The following CPAMD8 variants were observed in gnomAD, a reference collection of about 807,000 sequenced individuals.
CPAMD8 encodes C3 and PZP like alpha-2-macroglobulin domain containing 8, also known as C3 and PZP-like alpha-2-macroglobulin domain-containing protein 8.
Under a neutral mutation model 224.7 loss-of-function variants are expected in CPAMD8, and 146 were observed. The observed-to-expected ratio is 0.65, with a 90% confidence interval of 0.57 to 0.75. The LOEUF (loss-of-function observed/expected upper bound fraction) is 0.75, where lower values mean the gene tolerates loss of function less well. Ranked by LOEUF, CPAMD8 falls within the 30% of genes least tolerant of loss-of-function variation. CPAMD8 has a pLI of 0.00. For synonymous variants in CPAMD8, 966 were observed against 1,044.6 expected, an observed-to-expected ratio of 0.92 and a Z score of 1.45; for missense variants, 2,301 against 2,537.5, an observed-to-expected ratio of 0.91 and a Z score of 2.00.
Position 17,026,603 on chromosome 19 carries a change from G to C in CPAMD8, c.40C>G (p.Leu14Val). 1 of 1,520,042 alleles carries C rather than the reference G, an allele frequency of 6.6e-7. No individual in the cohort carries two copies. The highest frequency in any genetic ancestry group is 8.8e-7 in the Non-Finnish European group (1 of 1,142,272). The allele number at this position is 1,520,042 out of a possible 1,614,324, so 94.2% of individuals were successfully genotyped here. A position where few individuals can be genotyped will look rare whatever the true frequency, so the allele number is the denominator to read the frequency against. ...ALLWPLLPLL[L>V]LLLSARDGVR... is the part of the protein sequence containing the mutation. ...CCGTCCCGCGCCGACAGCAGCAGGA[G>C]CAGGAGCGGGAGCAACGGCCAGAGC... is the stretch of plus-strand genomic sequence containing the variant. The change falls in exon 1 of 42, where the codon CTC becomes GTC. Residue 14 changes from leucine (L) to valine (V), a missense_variant. Physicochemically the swap from Leu to Val is conservative, Grantham distance 32. Coordinates refer to ENST00000443236, the MANE Select transcript of CPAMD8 (RefSeq NM_015692.5).
At chr19:16,913,127 G>A (rs972427114) in intron 29 of CPAMD8, among the ~76,000 whole-genome samples, 7 of 152,144 alleles carry the variant, frequency 4.6e-5, no homozygotes, top group African/African-American at 1.2e-4. Flanking sequence ...ATTCCAACTC[G>A]AGTGGGGGCC....
At chr19:16,920,889 C>A (rs1024052938) in intron 27 of CPAMD8, among the ~76,000 whole-genome samples, 3 of 149,890 alleles carry the variant, frequency 2.0e-5, no homozygotes, top group African/African-American at 7.4e-5. Flanking sequence ...AGGTCCAATG[C>A]GTCACAACTT....
chr19:16,953,558 AG>A (rs2054365555), intron 19 of CPAMD8, among the ~76,000 whole-genome samples: 1 of 150,842 alleles, frequency 6.6e-6, no homozygotes, highest in East Asian at 2.0e-4. Flanking sequence ...AAATTTAGCC[AG>A]GAGTGGTGGT....
At chr19:16,931,920 A>G (rs2053556935) in intron 23 of CPAMD8, among the ~76,000 whole-genome samples, 1 of 152,220 alleles carries the variant, frequency 6.6e-6, no homozygotes, top group South Asian at 2.1e-4. Flanking sequence ...CACCACAGAT[A>G]GATCTTCAGG....
In CPAMD8 at chr19:16,947,220, A is replaced by G. The variant is rs2054134226; in HGVS notation, c.2516T>C (p.Met839Thr). ...NYMGTCAEVY[M>T]KLSVPKGIQF... ...GATGCCCTTGGGAACCGAGAGCTTC[A>G]TGTACACCTGCAGAGGGTGGCATTG... The change falls in exon 21 of 42, where the codon ATG becomes ACG. Residue 839 changes from methionine to threonine, a missense_variant. By Grantham distance (81) the Met-to-Thr change is moderately conservative (BLOSUM62 -1). Around this residue, in one of 4 missense-constraint regions of CPAMD8, gnomAD observed 1,709 missense variants for 1,753.2 expected, o/e 0.97. Coordinates refer to ENST00000443236, the MANE Select transcript of CPAMD8 (RefSeq NM_015692.5). 1 of 1,611,762 alleles carries G rather than the reference A, an allele frequency of 6.2e-7. No individual in the cohort carries two copies. The highest frequency in any genetic ancestry group is 1.7e-5 in the Admixed American group (1 of 59,794).
chr19:16,972,131 C>A (rs1393638491), intron 17 of CPAMD8, among the ~76,000 whole-genome samples: 1 of 152,076 alleles, frequency 6.6e-6, no homozygotes, highest in East Asian at 1.9e-4. Context: ...TGACCCCAAC[C>A]AAGGACCAAC....
intron 29 of CPAMD8, among the ~76,000 whole-genome samples, chr19:16,908,662 C>T (rs1452385976): frequency 6.6e-6 from 1 of 152,240 alleles, no homozygotes; most frequent in African/African-American, 2.4e-5. Flanking sequence ...GTTGAGCTAA[C>T]TCTGCTTTCG....
intron 41 of CPAMD8, chr19:16,894,664 T>C (rs2051888985): frequency 2.0e-5 from 7 of 346,622 alleles, no homozygotes; most frequent in Admixed American, 1.1e-4. Flanking sequence ...TGGGTGTCCA[T>C]GTGCGGTAAG....
At chr19:16,949,676 C>A (rs2054237064) in intron 20 of CPAMD8, among the ~76,000 whole-genome samples, 1 of 152,196 alleles carries the variant, frequency 6.6e-6, no homozygotes, top group African/African-American at 2.4e-5. Context: ...TGACCAGACC[C>A]CAAAGCCAAG....
intron 14 of CPAMD8, among the ~76,000 whole-genome samples, chr19:16,979,558 C>T (rs1359736482): frequency 6.6e-6 from 1 of 151,302 alleles, no homozygotes; most frequent in South Asian, 2.1e-4. Context: ...ATCTATCCAC[C>T]TATCCATCCA....
chr19:17,008,392 A>C, intron 7 of CPAMD8, 113 bp downstream of exon 7: 1 of 1,329,758 alleles, frequency 7.5e-7, no homozygotes, highest in Non-Finnish European at 1.0e-6. Flanking sequence ...GGTCCCCTCC[A>C]GCTGGAGCAG....
chr19:16,955,360 G>C (rs1286742382), intron 19 of CPAMD8, among the ~76,000 whole-genome samples: 1 of 151,980 alleles, frequency 6.6e-6, no homozygotes, highest in East Asian at 1.9e-4. Context: ...GAACCTTGGG[G>C]ACATGTTGAA....
chr19:16,928,994 G>A lies in CPAMD8; in HGVS notation c.3092C>T (p.Ser1031Phe). The change falls in exon 24 of 42, where the codon TCC (serine) becomes TTC (phenylalanine). Residue 1031 changes from serine (S) to phenylalanine (F), a missense_variant. Transcript: ENST00000443236. ...CCAGAATGTTCTGAATTCATCCCAG[G>A]AGAGGATCTTGGCCGTGTGTGCACT... ...VASAHTAKIL[S>F]WDEFRTFWIS... The A allele has an allele frequency of 1.9e-6, 3 of 1,614,028 alleles. No homozygotes were observed. The highest frequency in any genetic ancestry group is 2.5e-6 in the Non-Finnish European group (3 of 1,179,974).
At position 16,902,651 on chromosome 19, in the gene CPAMD8, G is replaced by A; in HGVS notation, c.4683C>T (p.Thr1561=). The change falls in exon 35 of 42, where the codon ACC becomes ACT. Residue 1561 remains threonine, a splice_region_variant and synonymous_variant. Transcript: ENST00000443236. ...QEYKVMLEVC[T]RWLHAGSSNM... The stretch of plus-strand genomic sequence containing the variant: ...GCCAGCAGGGCAGGTGGCCTTACCT[G>A]GTGCACACCTCCAGCATCACCTTGT... 1 of 1,602,114 alleles carries A rather than the reference G, an allele frequency of 6.2e-7. No homozygotes were observed. Among genetic ancestry groups the A allele is most frequent in the Non-Finnish European group, 8.5e-7 (1 of 1,173,092 alleles).
intron 22 of CPAMD8, among the ~76,000 whole-genome samples, chr19:16,942,971 T>C (rs918976926): frequency 6.6e-6 from 1 of 152,064 alleles, no homozygotes; most frequent in Non-Finnish European, 1.5e-5. Flanking sequence ...TCATACACCA[T>C]GTGGCCTTTT....
rs1274748222 is a variant in CPAMD8 at position 16,957,881 on chromosome 19, T to C, written c.2248A>G (p.Thr750Ala). ...EKRKRTFFPE[T>A]WIWHCLNISD... ...ATGTTGAGACAATGCCAAATCCATG[T>C]TTCGGGGAAGAAAGTCCTTTTTCTC... The change falls in exon 19 of 42, where the codon ACA (threonine) becomes GCA (alanine). Residue 750 changes from threonine to alanine, a missense_variant. Physicochemically the swap from Thr to Ala is moderately conservative, Grantham distance 58. Coordinates refer to ENST00000443236, the MANE Select transcript of CPAMD8 (RefSeq NM_015692.5). 1 of 1,614,080 alleles carries C rather than the reference T, an allele frequency of 6.2e-7. No individual in the cohort carries two copies. The highest frequency in any genetic ancestry group is 8.5e-7 in the Non-Finnish European group (1 of 1,180,032).
intron 30 of CPAMD8, among the ~76,000 whole-genome samples, chr19:16,905,569 G>GAAAAAAAAAAAAAAAAAAAAAAAAAA (rs397955787): frequency 1.1e-5 from 1 of 92,702 alleles, no homozygotes; most frequent in African/African-American, 4.0e-5. Context: ...AGGAAGAAAA[G>GAAAAAAAAAAAAAAAAAAAAAAAAAA]AAAAAAAAAA....
intron 35 of CPAMD8, 73 bp downstream of exon 35, chr19:16,902,576 G>A: frequency 2.2e-6 from 2 of 909,724 alleles, no homozygotes; most frequent in Non-Finnish European, 3.4e-6. Context: ...GCTCCTCCTG[G>A]TCCCAGGAGG....
chr19:16,950,135 T>C (rs1345189590), intron 20 of CPAMD8, among the ~76,000 whole-genome samples: 1 of 151,194 alleles, frequency 6.6e-6, no homozygotes, highest in Non-Finnish European at 1.5e-5. Flanking sequence ...CCGTCTCTAC[T>C]AAAAATACAA....
Sources: gnomAD v4.1 joint callset for allele counts (sites outside exome capture counted in the v4.1 genomes callset) on GRCh38, gnomAD v4.1.1 for gene constraint, gnomAD v4.1.1 regional missense constraint, MANE v1.5 for transcripts, NCBI Gene and HGNC (gene_info 2026-07-23, HGNC 2026-07-21) for gene names.